SLC8A1: variants seen among roughly 807,000 people sequenced by gnomAD.
The protein encoded by SLC8A1 is solute carrier family 8 member A1.
In SLC8A1, 18 loss-of-function variants were observed where a neutral mutation model predicts 68.3. The observed-to-expected ratio is 0.26, with a 90% CI of 0.18 to 0.39. The LOEUF (loss-of-function observed/expected upper bound fraction) is 0.39. Among genes scored for constraint, SLC8A1 ranks in the 10% least tolerant of loss-of-function variants. SLC8A1 has a pLI of 1.00. For missense variants in SLC8A1, 985 were observed against 1,156.7 expected, an observed-to-expected ratio of 0.85 and a Z score of 2.15; for synonymous variants, 475 against 415.5, an observed-to-expected ratio of 1.14 and a Z score of -1.74.
intron 1 of SLC8A1, among the ~76,000 whole-genome samples, chr2:40,509,640 T>C (rs1706585433): frequency 6.6e-6 from 1 of 152,020 alleles, no homozygotes; most frequent in African/African-American, 2.4e-5. Flanking sequence ...CCTCTTGTTA[T>C]TGTCACACCA....
chr2:40,410,199 C>T lies in SLC8A1; in HGVS notation c.1808+18274G>A, dbSNP rs546624520. Among the ~76,000 whole-genome samples the T allele has an allele frequency of 7.9e-5, 12 of 152,058 alleles. No homozygotes were observed. The South Asian group carries it at 2.5e-3, about 32-fold the overall frequency. The stretch of plus-strand genomic sequence containing the variant: ...AATGGGTTGTTCGATTATTATAGTA[C>T]CCCTCCGAGGGCAATGAAAGGATGT... On this transcript the variant is annotated intron_variant, in intron 2 of 7. Coordinates refer to ENST00000406785, the Ensembl canonical transcript of SLC8A1.
intron 2 of SLC8A1, among the ~76,000 whole-genome samples, chr2:40,416,271 C>T (rs896122940): frequency 6.6e-6 from 1 of 152,016 alleles, no homozygotes; most frequent in Non-Finnish European, 1.5e-5. Flanking sequence ...ATATAAGACA[C>T]TAAAACAAAT....
At chr2:40,240,972 A>C (rs1307122603) in intron 2 of SLC8A1, among the ~76,000 whole-genome samples, 1 of 152,228 alleles carries the variant, frequency 6.6e-6, no homozygotes, top group Non-Finnish European at 1.5e-5. Context: ...CAGAGGTACT[A>C]TTCAACCCAG....
Position 40,476,295 on chromosome 2 carries a change from C to T in SLC8A1, c.-25+36054G>A, listed in dbSNP as rs142708804. Among the ~76,000 whole-genome samples the T allele has an allele frequency of 4.3e-3, 654 of 152,246 alleles. 3 individuals carry two copies. Among genetic ancestry groups the T allele is most frequent in the Middle Eastern group, 0.027 (8 of 294 alleles). On this transcript the variant is annotated intron_variant, in intron 1 of 7. Transcript: ENST00000402441. The stretch of plus-strand genomic sequence containing the variant: ...CTGTTTCAGTTTCCCAGGGATGCCT[C>T]GGACCTTTATCCCTTCTTCATACCT...
chr2:40,145,929 AG>A (rs1174104462), intron 6 of SLC8A1, among the ~76,000 whole-genome samples: 1 of 151,884 alleles, frequency 6.6e-6, no homozygotes, highest in Non-Finnish European at 1.5e-5. Flanking sequence ...CACTAAATTC[AG>A]TAACCCAAAG....
intron 2 of SLC8A1, among the ~76,000 whole-genome samples, chr2:40,327,977 G>T (rs541440096): frequency 4.2e-4 from 63 of 151,678 alleles, no homozygotes; most frequent in African/African-American, 1.4e-3. Flanking sequence ...TACAGTATTT[G>T]CCCTGAAAAT....
chr2:40,177,791 C>G, exon 3 of SLC8A1: 1 of 1,551,208 alleles, frequency 6.4e-7, no homozygotes, highest in Non-Finnish European at 8.7e-7. Context: ...TCCTCAAGCA[C>G]AAGGGAGAAA....
intron 2 of SLC8A1, among the ~76,000 whole-genome samples, chr2:40,404,848 G>A (rs1218341237): frequency 6.6e-6 from 1 of 152,170 alleles, no homozygotes; most frequent in Non-Finnish European, 1.5e-5. Context: ...GGGTGCCACA[G>A]TGATTTTTTT....
chr2:40,213,810 G>A (rs929466071), intron 2 of SLC8A1, among the ~76,000 whole-genome samples: 4 of 152,214 alleles, frequency 2.6e-5, no homozygotes, highest in African/African-American at 4.8e-5. Context: ...TGGCAGAAGC[G>A]CTGGGGATAT....
chr2:40,122,255 T>TGCGCGCGCGCGCACACACACACA (rs2037075873), intron 7 of SLC8A1, among the ~76,000 whole-genome samples: 1 of 149,600 alleles, frequency 6.7e-6, no homozygotes, highest in Non-Finnish European at 1.5e-5. Context: ...CACACACACT[T>TGCGCGCGCGCGCACACACACACA]CACTGGTTCA....
chr2:40,247,210 T>C (rs1187499349), intron 2 of SLC8A1, among the ~76,000 whole-genome samples: 2 of 152,184 alleles, frequency 1.3e-5, no homozygotes, highest in Non-Finnish European at 2.9e-5. Context: ...GGGCATTAGC[T>C]TTCTGCAGCC....
rs76276352 is a variant in SLC8A1 at position 40,185,922 on chromosome 2, C to A, written c.1809-8067G>T. ...ACAGCCAAATAGAAAACTGTGATTT[C>A]CACAGTTTTCATTTACATGAAAGCT... On this transcript the variant is annotated intron_variant, in intron 2 of 7. Transcript: ENST00000406785. Among the ~76,000 whole-genome samples, 396 of 152,200 alleles carry A rather than the reference C, an allele frequency of 2.6e-3. 6 individuals carry two copies. Among genetic ancestry groups the A allele is most frequent in the African/African-American group, 9.1e-3 (377 of 41,536 alleles).
At chr2:40,345,102 T>C (rs996548623) in intron 2 of SLC8A1, among the ~76,000 whole-genome samples, 3 of 152,194 alleles carry the variant, frequency 2.0e-5, no homozygotes, top group African/African-American at 7.2e-5. Context: ...TTCATTCTCA[T>C]TTTTCCAGTC....
Position 40,416,821 on chromosome 2 carries a change from T to G in SLC8A1, c.1808+11652A>C, listed in dbSNP as rs1694023897. On this transcript the variant is annotated intron_variant, in intron 2 of 7. Coordinates refer to ENST00000406785, the Ensembl canonical transcript of SLC8A1. The stretch of plus-strand genomic sequence containing the variant: ...TTTATTAGGTTGGTGCAAAAGTAAC[T>G]GCTGGTTTTAATTTAAAAGTAGTAA... 2.6e-5 allele frequency among the ~76,000 whole-genome samples: 4 copies of G among 151,990 alleles called. No individual in the cohort carries two copies. The South Asian group carries it at 8.3e-4, about 31-fold the overall frequency.
exon 2 of SLC8A1, chr2:40,430,248 G>A (rs1355392054): frequency 1.2e-6 from 2 of 1,612,986 alleles, no homozygotes; most frequent in East Asian, 2.2e-5. Flanking sequence ...TTGAAAAGGT[G>A]GGTGAAAGAC....
rs1004859769 is a variant in SLC8A1, at chr2:40,385,856, A to C, written c.1808+42617T>G. On this transcript the variant is annotated intron_variant, in intron 2 of 7. Transcript: ENST00000406785. ...AGTCCTGGAAATTATAAAATGTCCA[A>C]ATAAAAAAAAGTACACAAAATGATA... Among the ~76,000 whole-genome samples, 7 of 151,418 alleles carry C rather than the reference A, an allele frequency of 4.6e-5. 1 individual carries two copies. Among genetic ancestry groups the C allele is most frequent in the African/African-American group, 1.7e-4 (7 of 40,816 alleles).
intron 2 of SLC8A1, among the ~76,000 whole-genome samples, chr2:40,305,744 G>C (rs1265975980): frequency 6.6e-6 from 1 of 152,148 alleles, no homozygotes; most frequent in Non-Finnish European, 1.5e-5. Context: ...TCATGGACAT[G>C]TTTGCCAAGT....
intron 2 of SLC8A1, among the ~76,000 whole-genome samples, chr2:40,238,555 C>T (rs1176740142): frequency 3.3e-5 from 5 of 152,182 alleles, no homozygotes; most frequent in Middle Eastern, 3.2e-3. Flanking sequence ...ATGCAGAAAT[C>T]GCCCGTCTTC....
At chr2:40,396,154 T>A (rs888539861) in intron 2 of SLC8A1, among the ~76,000 whole-genome samples, 17 of 152,142 alleles carry the variant, frequency 1.1e-4, no homozygotes, top group African/African-American at 3.1e-4. Flanking sequence ...TAATAAAATA[T>A]TTTTAAAGCA....
Sources: allele counts gnomAD v4.1 joint callset (sites outside exome capture counted in the v4.1 genomes callset), GRCh38; gene constraint gnomAD v4.1.1; transcripts MANE v1.5; gene names NCBI Gene and HGNC (gene_info 2026-07-23, HGNC 2026-07-21).